KCNH7: variants seen among roughly 807,000 people sequenced by gnomAD.
KCNH7 encodes the protein voltage-gated inwardly rectifying potassium channel KCNH7.
KCNH7 carries 49 observed loss-of-function variants against 120.8 expected under a neutral mutation model. The observed-to-expected ratio is 0.41, with a 90% CI of 0.32 to 0.51. The LOEUF (loss-of-function observed/expected upper bound fraction) is 0.51. KCNH7 is among the 20% of genes least tolerant of loss of function. The pLI is 0.38. For synonymous variants in KCNH7, 547 were observed against 516.1 expected (o/e 1.06, Z -0.81); for missense variants, 1,097 against 1,446.6 (o/e 0.76, Z 3.92).
intron 2 of KCNH7, among the ~76,000 whole-genome samples, chr2:162,616,993 A>G (rs996272008): frequency 6.6e-6 from 1 of 152,108 alleles, no homozygotes; most frequent in Non-Finnish European, 1.5e-5. Context: ...GCATACATCA[A>G]GTGTAGATGG....
intron 2 of KCNH7, among the ~76,000 whole-genome samples, chr2:162,653,751 C>T (rs757098068): frequency 2.0e-5 from 3 of 152,186 alleles, no homozygotes; most frequent in Non-Finnish European, 1.5e-5. Flanking sequence ...TCCAAATATA[C>T]GGCAAAGCTA....
intron 9 of KCNH7, among the ~76,000 whole-genome samples, chr2:162,410,585 A>G (rs546700139): frequency 6.7e-4 from 102 of 152,236 alleles, no homozygotes; most frequent in Non-Finnish European, 1.1e-3. Flanking sequence ...AACCAAAACC[A>G]CAATTGAGAA....
chr2:162,372,137 G>T (rs368888632), intron 15 of KCNH7, 42 bp from the exon 16 acceptor site: 59 of 1,462,758 alleles, frequency 4.0e-5, no homozygotes, highest in Non-Finnish European at 4.9e-5. Flanking sequence ...AATTCACATT[G>T]ATAGATAGTC....
chr2:162,583,128 G>T (rs1454878042), intron 2 of KCNH7, among the ~76,000 whole-genome samples: 1 of 151,974 alleles, frequency 6.6e-6, no homozygotes, highest in Non-Finnish European at 1.5e-5. Context: ...ATTTAAACAA[G>T]TCTGCCTGAC....
At chr2:162,496,394 C>T (rs1690498786) in intron 6 of KCNH7, among the ~76,000 whole-genome samples, 1 of 152,064 alleles carries the variant, frequency 6.6e-6, no homozygotes, top group Non-Finnish European at 1.5e-5. Context: ...TAAGGGCCCG[C>T]ATGCGCACTG....
At chr2:162,523,544 T>TTC (rs550349360) in intron 3 of KCNH7, among the ~76,000 whole-genome samples, 2,058 of 149,350 alleles carry the variant, frequency 0.014, 21 homozygotes, top group South Asian at 0.046. Flanking sequence ...CTCTCCCTCT[T>TTC]TCTCTCTCTC....
intron 2 of KCNH7, among the ~76,000 whole-genome samples, chr2:162,660,512 C>T (rs761429122): frequency 3.3e-5 from 5 of 152,090 alleles, no homozygotes; most frequent in Non-Finnish European, 5.9e-5. Flanking sequence ...TGAAGGTATG[C>T]TTAATGGCAT....
intron 3 of KCNH7, among the ~76,000 whole-genome samples, chr2:162,521,449 A>C (rs1691518145): frequency 6.6e-6 from 1 of 151,904 alleles, no homozygotes. Context: ...ACTCTATACC[A>C]CGTCCTCTCT....
rs115945335 is a variant in KCNH7 at position 162,524,763 on chromosome 2, C to T, written c.464-6605G>A. ...TGGGATAAACAGAGATAATGACTAA[C>T]ATAGCTGCCTTTTCTTTTTAGGAAG... is the stretch of plus-strand genomic sequence containing the variant. On this transcript the variant is annotated intron_variant, in intron 3 of 15. Transcript: ENST00000332142. Among the ~76,000 whole-genome samples, 415 of 152,022 alleles carry T rather than the reference C, an allele frequency of 2.7e-3. 3 individuals are homozygous for T. The highest frequency in any genetic ancestry group is 9.7e-3 in the African/African-American group (403 of 41,528).
At chr2:162,607,949 G>T (rs1439094485) in intron 2 of KCNH7, among the ~76,000 whole-genome samples, 1 of 152,062 alleles carries the variant, frequency 6.6e-6, no homozygotes, top group Non-Finnish European at 1.5e-5. Context: ...TATGAACATC[G>T]CTGCCTTATG....
chr2:162,726,620 G>T (rs529476637), intron 2 of KCNH7, among the ~76,000 whole-genome samples: 1 of 151,968 alleles, frequency 6.6e-6, no homozygotes, highest in Admixed American at 6.6e-5. Flanking sequence ...AGGTTTCACC[G>T]TGTTGGCCAG....
chr2:162,613,554 T>C (rs1210863111), intron 2 of KCNH7, among the ~76,000 whole-genome samples: 1 of 152,040 alleles, frequency 6.6e-6, no homozygotes, highest in Non-Finnish European at 1.5e-5. Context: ...ATTGTCATTA[T>C]TTTTTGTTTC....
intron 2 of KCNH7, among the ~76,000 whole-genome samples, chr2:162,569,470 C>A (rs1693385097): frequency 1.4e-5 from 2 of 145,712 alleles, no homozygotes; most frequent in Non-Finnish European, 1.5e-5. Context: ...TTGATCCTTT[C>A]AAAAAACCAG....
intron 2 of KCNH7, among the ~76,000 whole-genome samples, chr2:162,778,637 A>G (rs544663875): frequency 7.3e-6 from 1 of 137,916 alleles, no homozygotes; most frequent in East Asian, 2.1e-4. Context: ...CACTATATGC[A>G]ATAAATATCA....
chr2:162,707,364 TATC>T lies in KCNH7; in HGVS notation c.307+129170_307+129172del, dbSNP rs1185937186. On this transcript the variant is annotated intron_variant, in intron 2 of 15. Coordinates refer to ENST00000332142, the MANE Select transcript of KCNH7 (RefSeq NM_033272.4). ...GGTAATGGCCAAATTGACTAATAGATATCATTCTATTTACAACTGGAGGATACG... is the reference window on the plus strand; with the variant it reads ...GGTAATGGCCAAATTGACTAATAGATATTCTATTTACAACTGGAGGATACG... Among the ~76,000 whole-genome samples the T allele has an allele frequency of 4.6e-5, 7 of 152,248 alleles. No individual in the cohort carries two copies. In the East Asian group the frequency reaches 1.3e-3, roughly 29 times the overall value.
chr2:162,422,212 C>T (rs1346977109), intron 9 of KCNH7, among the ~76,000 whole-genome samples: 1 of 152,090 alleles, frequency 6.6e-6, no homozygotes, highest in East Asian at 1.9e-4. Flanking sequence ...CTATGATAAA[C>T]TTATCCATAT....
chr2:162,523,344 T>C (rs534621715), intron 3 of KCNH7, among the ~76,000 whole-genome samples: 1 of 152,016 alleles, frequency 6.6e-6, no homozygotes, highest in South Asian at 2.1e-4. Flanking sequence ...CTAAGATTAG[T>C]TGATTCTTGA....
rs1356132763 is a variant in KCNH7, at chr2:162,459,463, C to T, written c.1129-13020G>A. 3.9e-5 allele frequency among the ~76,000 whole-genome samples: 6 copies of T among 152,082 alleles called. No homozygotes were observed. The East Asian group carries it at 9.7e-4, about 24-fold the overall frequency. On this transcript the variant is annotated intron_variant, in intron 6 of 15. Coordinates refer to ENST00000332142, the MANE Select transcript of KCNH7 (RefSeq NM_033272.4). ...CTTGTCGAGAACTACAGTTCCCAGC[C>T]CCATTTGCAATCAGGTATGGCCATG... is the stretch of plus-strand genomic sequence containing the variant.
chr2:162,737,030 C>A (rs141862091), intron 2 of KCNH7, among the ~76,000 whole-genome samples: 1 of 152,188 alleles, frequency 6.6e-6, no homozygotes, highest in East Asian at 1.9e-4. Flanking sequence ...ACACTCCAAA[C>A]TCTAACTAAG....
Sources: gnomAD v4.1 joint callset for allele counts (sites outside exome capture counted in the v4.1 genomes callset) on GRCh38, gnomAD v4.1.1 for gene constraint, MANE v1.5 for transcripts, NCBI Gene and HGNC (gene_info 2026-07-23, HGNC 2026-07-21) for gene names.